The following SPPL3 variants were observed in gnomAD, a reference collection of about 807,000 sequenced individuals.
SPPL3 encodes signal peptide peptidase like 3.
In SPPL3, 5 loss-of-function variants were observed where a neutral mutation model predicts 42.4. The ratio of observed to expected loss-of-function variants is 0.12; its 90% CI spans 0.06 to 0.25. The LOEUF (loss-of-function observed/expected upper bound fraction) is 0.25, where lower values mean the gene tolerates loss of function less well. Ranked by LOEUF, SPPL3 falls within the 10% of genes least tolerant of loss-of-function variation. SPPL3 has a pLI of 1.00. For missense variants in SPPL3, 235 were observed against 489.0 expected, an observed-to-expected ratio of 0.48 and a Z score of 4.90; for synonymous variants, 195 against 181.8, an observed-to-expected ratio of 1.07 and a Z score of -0.58.
intron 1 of SPPL3, among the ~76,000 whole-genome samples, chr12:120,847,333 C>T (rs1417695016): frequency 6.6e-6 from 1 of 152,078 alleles, no homozygotes; most frequent in Non-Finnish European, 1.5e-5. Context: ...CACTCTGTCA[C>T]CCAGGCTGGA....
chr12:120,891,985 T>C (rs894698953), intron 1 of SPPL3, among the ~76,000 whole-genome samples: 1 of 152,128 alleles, frequency 6.6e-6, no homozygotes, highest in African/African-American at 2.4e-5. Flanking sequence ...TCTCTAGGTG[T>C]TGTCAGGATA....
At chr12:120,882,653 A>T (rs1208351428) in intron 1 of SPPL3, among the ~76,000 whole-genome samples, 2 of 152,184 alleles carry the variant, frequency 1.3e-5, no homozygotes, top group Non-Finnish European at 2.9e-5. Context: ...ATCAAAAGAC[A>T]TTCAAGATAT....
rs1491497693 is a variant in SPPL3, at chr12:120,830,578, AAG to A, written c.24-19694_24-19693del. Among the ~76,000 whole-genome samples, 210 of 29,888 alleles carry A rather than the reference AAG, an allele frequency of 7.0e-3. 48 individuals carry two copies. The highest frequency in any genetic ancestry group is 0.011 in the Non-Finnish European group (137 of 12,844). 19.6% of individuals were successfully genotyped at this position (29,888 alleles called of 152,430 possible). ...AGGGGGAGGGGTGGGGGAGGGGGGGAAGGAGAGAGAGAGAGAGAGAGAGAGAG... is the reference window on the plus strand; with the variant it reads ...AGGGGGAGGGGTGGGGGAGGGGGGGAGAGAGAGAGAGAGAGAGAGAGAGAG... On this transcript the variant is annotated intron_variant, in intron 1 of 10. Coordinates refer to ENST00000353487, the MANE Select transcript of SPPL3 (RefSeq NM_139015.5).
intron 1 of SPPL3, among the ~76,000 whole-genome samples, chr12:120,870,735 A>T (rs1004076067): frequency 6.6e-6 from 1 of 152,208 alleles, no homozygotes; most frequent in Non-Finnish European, 1.5e-5. Flanking sequence ...TGCCAGTCAC[A>T]AAAGGACAAA....
At chr12:120,903,619 G>T (rs1050832269) in intron 1 of SPPL3, 1 of 470,498 alleles carries the variant, frequency 2.1e-6, no homozygotes, top group Admixed American at 4.3e-5. Flanking sequence ...ATCCGCCGCT[G>T]CCTCCTCCTC....
intron 1 of SPPL3, among the ~76,000 whole-genome samples, chr12:120,898,315 A>T (rs2030511): frequency 0.014 from 857 of 61,300 alleles, 2 homozygotes; most frequent in African/African-American, 0.051. Context: ...TTTTTTTTTT[A>T]AAAAAAAAAA....
intron 1 of SPPL3, among the ~76,000 whole-genome samples, chr12:120,879,270 T>C (rs1429018023): frequency 6.6e-6 from 1 of 152,004 alleles, no homozygotes; most frequent in Non-Finnish European, 1.5e-5. Flanking sequence ...ACAGCAGACT[T>C]TGAAGTATAA....
chr12:120,801,353 G>A (rs1429601943), intron 2 of SPPL3, among the ~76,000 whole-genome samples: 1 of 151,928 alleles, frequency 6.6e-6, no homozygotes, highest in East Asian at 1.9e-4. Flanking sequence ...ACCATAACCT[G>A]TCTTGCCACA....
At chr12:120,851,441 AT>A (rs55788448) in intron 1 of SPPL3, among the ~76,000 whole-genome samples, 149,000 of 150,316 alleles carry the variant, frequency 0.99, 73,858 homozygotes, top group East Asian at 1. Context: ...AATCTCAGTC[AT>A]TTTTTTTTTT....
chr12:120,777,024 A>C (rs1398460466), intron 6 of SPPL3, among the ~76,000 whole-genome samples: 1 of 152,160 alleles, frequency 6.6e-6, no homozygotes, highest in African/African-American at 2.4e-5. Flanking sequence ...AGGTGGATTT[A>C]AGTGTATCAT....
chr12:120,813,505 G>A (rs1005300335), intron 1 of SPPL3, among the ~76,000 whole-genome samples: 1 of 151,924 alleles, frequency 6.6e-6, no homozygotes, highest in Non-Finnish European at 1.5e-5. Flanking sequence ...TTTTTAGTAA[G>A]AGACGGGGTT....
chr12:120,810,877 G>A lies in SPPL3; in HGVS notation c.33C>T (p.Ser11=). MAEQTYSWAY[S]LVDSSQVSTF... ...TAGACACTTGACTGGAATCCACCAG[G>A]GAATAGGCCCTAGAGAAATAAGAGG... Residue 11 remains serine (S), a synonymous_variant, in exon 2 of 11, where the codon TCC becomes TCT. Coordinates refer to ENST00000353487, the MANE Select transcript of SPPL3 (RefSeq NM_139015.5). 1 of 1,612,704 alleles carries A rather than the reference G, an allele frequency of 6.2e-7. No individual in the cohort carries two copies. The highest frequency in any genetic ancestry group is 1.7e-4 in the Middle Eastern group (1 of 6,056).
chr12:120,852,214 T>C (rs546287742), intron 1 of SPPL3, among the ~76,000 whole-genome samples: 80 of 151,972 alleles, frequency 5.3e-4, no homozygotes, highest in African/African-American at 1.7e-3. Flanking sequence ...CTCCATATAA[T>C]GGGCTCAGAC....
intron 2 of SPPL3, 73 bp downstream of exon 2, chr12:120,810,736 T>C: frequency 8.4e-7 from 1 of 1,184,962 alleles, no homozygotes; most frequent in Non-Finnish European, 1.2e-6. Flanking sequence ...TAAGTTTTGG[T>C]ACCAGCACTT....
At chr12:120,765,814 A>C (rs1056098865) in intron 10 of SPPL3, among the ~76,000 whole-genome samples, 1 of 152,178 alleles carries the variant, frequency 6.6e-6, no homozygotes, top group African/African-American at 2.4e-5. Flanking sequence ...AACGGGGCTG[A>C]GAATAGATAT....
chr12:120,817,034 A>G (rs1412504678), intron 1 of SPPL3, among the ~76,000 whole-genome samples: 1 of 151,924 alleles, frequency 6.6e-6, no homozygotes, highest in African/African-American at 2.4e-5. Flanking sequence ...TCATGCCTGT[A>G]ATTTTGACAC....
chr12:120,903,726 A>ACCCCCC, intron 1 of SPPL3, 119 bp downstream of exon 1: 3 of 509,668 alleles, frequency 5.9e-6, no homozygotes, highest in Non-Finnish European at 6.0e-6. Flanking sequence ...GTGCACCCCA[A>ACCCCCC]CCCGCGCCCC....
intron 2 of SPPL3, among the ~76,000 whole-genome samples, chr12:120,799,105 G>C (rs1243985226): frequency 6.6e-6 from 1 of 152,028 alleles, no homozygotes; most frequent in Non-Finnish European, 1.5e-5. Flanking sequence ...ATCCCAATAA[G>C]CCCAGGTAAG....
intron 2 of SPPL3, 82 bp downstream of exon 2, chr12:120,810,727 A>G: frequency 9.6e-7 from 1 of 1,039,214 alleles, no homozygotes; most frequent in Non-Finnish European, 1.5e-6. Context: ...TTCACAGAGT[A>G]AGTTTTGGTA....
Sources: allele counts gnomAD v4.1 joint callset (sites outside exome capture counted in the v4.1 genomes callset), GRCh38; gene constraint gnomAD v4.1.1; transcripts MANE v1.5; gene names NCBI Gene and HGNC (gene_info 2026-07-23, HGNC 2026-07-21).